The following PRKG1 variants were observed in gnomAD, a reference collection of about 807,000 sequenced individuals.
PRKG1 encodes cGMP-dependent protein kinase 1.
In PRKG1, 35 loss-of-function variants were observed where a neutral mutation model predicts 88.1. The observed-to-expected ratio is 0.40, with a 90% CI of 0.30 to 0.53. The LOEUF (loss-of-function observed/expected upper bound fraction) is 0.53. Ranked by LOEUF, PRKG1 falls within the 20% of genes least tolerant of loss-of-function variation. PRKG1 has a pLI of 0.59. For missense variants in PRKG1, 540 were observed against 839.8 expected (o/e 0.64, Z 4.41); for synonymous variants, 303 against 292.5 (o/e 1.04, Z -0.37).
intron 7 of PRKG1, among the ~76,000 whole-genome samples, chr10:52,094,371 TTTTTA>T (rs1277448294): frequency 4.6e-5 from 7 of 152,196 alleles, no homozygotes; most frequent in African/African-American, 1.7e-4. Context: ...TTTTTTGATA[TTTTTA>T]TTTAATCACT....
At position 51,509,800 on chromosome 10, in the gene PRKG1, A is replaced by T. The variant is rs536363823; in HGVS notation, c.592+41964A>T. On this transcript the variant is annotated intron_variant, in intron 3 of 17. Coordinates refer to ENST00000373980, the MANE Select transcript of PRKG1 (RefSeq NM_006258.4). Reference sequence around the variant, plus strand: ...AGTAAACCAAAGGCAAAACAGGTGCACATGACTGAACAATGTGAAATCCTA... The same window carrying T: ...AGTAAACCAAAGGCAAAACAGGTGCTCATGACTGAACAATGTGAAATCCTA... Among the ~76,000 whole-genome samples, 4 of 152,342 alleles carry T rather than the reference A, an allele frequency of 2.6e-5. No individual in the cohort carries two copies. The East Asian group carries it at 7.7e-4, about 29-fold the overall frequency.
At chr10:51,374,112 A>ATATG (rs886440031) in intron 2 of PRKG1, among the ~76,000 whole-genome samples, 1 of 143,804 alleles carries the variant, frequency 7.0e-6, no homozygotes, top group African/African-American at 2.5e-5. Flanking sequence ...ATATATATAT[A>ATATG]TGTACTTTAA....
chr10:51,997,946 A>G (rs988923716), intron 5 of PRKG1, among the ~76,000 whole-genome samples: 5 of 152,018 alleles, frequency 3.3e-5, no homozygotes, highest in African/African-American at 1.2e-4. Context: ...AGAGGTGGTG[A>G]TAGCAAGCAT....
In PRKG1 at chr10:51,803,588, G is replaced by A. The variant is rs567705542; in HGVS notation, c.593-997G>A. ...TGATCCATCACATTCACTGGGCTTA[G>A]TCTTGAGAACTGTGAAGCAGAGAAA... On this transcript the variant is annotated intron_variant, in intron 3 of 17. Coordinates refer to ENST00000373980, the MANE Select transcript of PRKG1 (RefSeq NM_006258.4). Among the ~76,000 whole-genome samples, 8 of 152,146 alleles carry A rather than the reference G, an allele frequency of 5.3e-5. No homozygotes were observed. The South Asian group carries it at 1.7e-3, about 32-fold the overall frequency.
At chr10:51,826,895 A>G (rs1564663666) in intron 4 of PRKG1, among the ~76,000 whole-genome samples, 1 of 152,202 alleles carries the variant, frequency 6.6e-6, no homozygotes, top group African/African-American at 2.4e-5. Context: ...GCCTGTAAGA[A>G]GACATTAATT....
At chr10:52,131,257 T>C (rs1271668960) in intron 7 of PRKG1, among the ~76,000 whole-genome samples, 3 of 152,074 alleles carry the variant, frequency 2.0e-5, no homozygotes, top group African/African-American at 7.2e-5. Context: ...CCGGCCCTCA[T>C]AGGGTTTAGT....
At chr10:51,217,268 A>G (rs185384134) in intron 2 of PRKG1, among the ~76,000 whole-genome samples, 50 of 152,276 alleles carry the variant, frequency 3.3e-4, no homozygotes, top group Non-Finnish European at 6.5e-4. Flanking sequence ...AGAGAAGGGA[A>G]TGGCTTATTT....
intron 3 of PRKG1, among the ~76,000 whole-genome samples, chr10:51,649,455 T>C (rs1839988192): frequency 6.6e-6 from 1 of 152,194 alleles, no homozygotes; most frequent in Non-Finnish European, 1.5e-5. Context: ...GTGAACCCTT[T>C]AGTTGCTAAA....
chr10:51,040,404 C>T (rs181201118), intron 1 of PRKG1, among the ~76,000 whole-genome samples: 41 of 147,896 alleles, frequency 2.8e-4, no homozygotes, highest in African/African-American at 9.2e-4. Context: ...CTACAGTCTC[C>T]GCCTTCCGGG....
intron 2 of PRKG1, among the ~76,000 whole-genome samples, chr10:51,169,988 T>C (rs776451749): frequency 3.3e-5 from 5 of 151,954 alleles, no homozygotes; most frequent in African/African-American, 4.8e-5. Flanking sequence ...GCATACATGC[T>C]CTGAAGCACT....
intron 3 of PRKG1, among the ~76,000 whole-genome samples, chr10:51,790,706 G>T (rs1217776604): frequency 1.3e-5 from 2 of 152,026 alleles, no homozygotes; most frequent in African/African-American, 4.8e-5. Flanking sequence ...CTGATCTTTT[G>T]ATGTAGAGTC....
At chr10:51,886,214 AT>A (rs1336791017) in intron 4 of PRKG1, among the ~76,000 whole-genome samples, 1 of 152,124 alleles carries the variant, frequency 6.6e-6, no homozygotes, top group Non-Finnish European at 1.5e-5. Flanking sequence ...CTTAATATGT[AT>A]TTTACAGCCA....
intron 1 of PRKG1, among the ~76,000 whole-genome samples, chr10:51,083,389 T>C (rs1844163301): frequency 1.3e-5 from 2 of 152,300 alleles, no homozygotes; most frequent in South Asian, 4.1e-4. Flanking sequence ...GATAGTTTCT[T>C]TGGGTCCCAG....
At chr10:51,293,388 C>T (rs1009121280) in intron 2 of PRKG1, among the ~76,000 whole-genome samples, 3 of 152,098 alleles carry the variant, frequency 2.0e-5, no homozygotes, top group African/African-American at 7.2e-5. Flanking sequence ...CCCTGTTAAC[C>T]AGCTCCTGGC....
At chr10:52,269,442 A>T (rs1224059009) in intron 10 of PRKG1, among the ~76,000 whole-genome samples, 1 of 152,090 alleles carries the variant, frequency 6.6e-6, no homozygotes, top group African/African-American at 2.4e-5. Context: ...ACTGATTCAC[A>T]ATTGCTGGCA....
At chr10:51,706,361 C>T (rs1841604265) in intron 3 of PRKG1, among the ~76,000 whole-genome samples, 5 of 152,150 alleles carry the variant, frequency 3.3e-5, no homozygotes, top group Admixed American at 3.3e-4. Context: ...CAATGCCTGG[C>T]CCTGAATTTC....
intron 3 of PRKG1, among the ~76,000 whole-genome samples, chr10:51,667,092 A>G (rs1840440979): frequency 6.6e-6 from 1 of 152,118 alleles, no homozygotes; most frequent in Non-Finnish European, 1.5e-5. Flanking sequence ...TATTTCTATT[A>G]TTGACAAAAA....
At chr10:51,996,810 T>C (rs1029823924) in intron 5 of PRKG1, among the ~76,000 whole-genome samples, 8 of 152,264 alleles carry the variant, frequency 5.3e-5, no homozygotes, top group African/African-American at 1.9e-4. Flanking sequence ...ACGAAATCAG[T>C]ATTTCAAGGA....
At chr10:51,495,126 G>T (rs185948151) in intron 3 of PRKG1, among the ~76,000 whole-genome samples, 76 of 151,744 alleles carry the variant, frequency 5.0e-4, no homozygotes, top group Non-Finnish European at 8.5e-4. Flanking sequence ...ACAGAGTCTC[G>T]CTCTGTCACC....
Sources: gnomAD v4.1 joint callset for allele counts (sites outside exome capture counted in the v4.1 genomes callset) on GRCh38, gnomAD v4.1.1 for gene constraint, MANE v1.5 for transcripts, NCBI Gene and HGNC (gene_info 2026-07-23, HGNC 2026-07-21) for gene names.